The following KATNAL1 variants were observed in gnomAD, a reference collection of about 807,000 sequenced individuals.
The protein encoded by KATNAL1 is katanin catalytic subunit A1 like 1.
A neutral mutation model predicts 55.2 loss-of-function variants in KATNAL1; 32 were observed. That is an observed-to-expected ratio of 0.58 (90% CI 0.44 to 0.78). KATNAL1 has a LOEUF of 0.78. Ranked by LOEUF, KATNAL1 falls within the 30% of genes least tolerant of loss-of-function variation. The probability of loss-of-function intolerance (pLI) is 0.00; values close to 1 mark genes in which losing one functional copy is unlikely to be tolerated. For missense variants in KATNAL1, 466 were observed against 600.9 expected (o/e 0.78, Z 2.35); for synonymous variants, 193 against 193.6 (o/e 1.00, Z 0.02).
intron 3 of KATNAL1, among the ~76,000 whole-genome samples, chr13:30,267,757 A>C (rs1879888859): frequency 6.6e-6 from 1 of 152,216 alleles, no homozygotes; most frequent in Non-Finnish European, 1.5e-5. Context: ...AAGGTAAGTG[A>C]AATACCTAAC....
rs545503363 is a variant in KATNAL1 at position 30,227,076 on chromosome 13, AAAAT to A, written c.1147+332_1147+335del. ...GGGCAACAGAATAAGACTGTGTCAC[AAAAT>A]AAATAAATAAATATGTGTACACACA... On this transcript the variant is annotated intron_variant, in intron 9 of 10. Coordinates refer to ENST00000380615, the MANE Select transcript of KATNAL1 (RefSeq NM_032116.5). 2.8e-5 allele frequency among the ~76,000 whole-genome samples: 4 copies of A among 144,104 alleles called. No individual in the cohort carries two copies. In the South Asian group the frequency reaches 6.8e-4, roughly 24 times the overall value. The allele number at this position is 144,104 out of a possible 152,430, so 94.5% of individuals were successfully genotyped here.
chr13:30,224,346 C>T (rs1875220701), intron 9 of KATNAL1, among the ~76,000 whole-genome samples: 1 of 151,970 alleles, frequency 6.6e-6, no homozygotes, highest in African/African-American at 2.4e-5. Flanking sequence ...GCCTGGGAAA[C>T]ACGGCAAGCC....
chr13:30,294,481 G>T (rs1882346738), intron 1 of KATNAL1, among the ~76,000 whole-genome samples: 1 of 152,216 alleles, frequency 6.6e-6, no homozygotes, highest in Non-Finnish European at 1.5e-5. Context: ...TATGAAGGCT[G>T]AAAGAGGTGA....
chr13:30,262,294 T>C (rs1287933636), intron 3 of KATNAL1, among the ~76,000 whole-genome samples: 1 of 151,148 alleles, frequency 6.6e-6, no homozygotes. Flanking sequence ...CACCCTAACA[T>C]CACAATTAAA....
intron 6 of KATNAL1, among the ~76,000 whole-genome samples, chr13:30,235,797 G>A (rs1435860915): frequency 6.6e-6 from 1 of 151,956 alleles, no homozygotes; most frequent in African/African-American, 2.4e-5. Context: ...CTCAGGGGTT[G>A]GGGCACCAAT....
chr13:30,265,701 ATTT>A (rs796445869), intron 3 of KATNAL1, among the ~76,000 whole-genome samples: 55 of 143,674 alleles, frequency 3.8e-4, no homozygotes, highest in African/African-American at 1.3e-3. Flanking sequence ...CTTTTAAGAG[ATTT>A]TTTTTTTTTT....
chr13:30,306,636 T>TA (rs1333260425), intron 1 of KATNAL1: 1 of 152,258 alleles, frequency 6.6e-6, no homozygotes, highest in Non-Finnish European at 1.5e-5. Flanking sequence ...ATGGGTTTAA[T>TA]ATGCAAACAC....
chr13:30,290,289 A>C (rs1016629202), intron 1 of KATNAL1, among the ~76,000 whole-genome samples: 1 of 152,214 alleles, frequency 6.6e-6, no homozygotes, highest in Non-Finnish European at 1.5e-5. Context: ...TATCAATAAA[A>C]TGAATAAACC....
intron 9 of KATNAL1, among the ~76,000 whole-genome samples, chr13:30,223,349 G>C (rs1875100114): frequency 6.8e-6 from 1 of 146,998 alleles, no homozygotes; most frequent in Non-Finnish European, 1.5e-5. Flanking sequence ...GGCTGAGGCA[G>C]GAGAATGGTG....
chr13:30,274,926 CACACACACACACACACACACACACACAG>C (rs1880722483), intron 3 of KATNAL1, among the ~76,000 whole-genome samples: 3 of 150,650 alleles, frequency 2.0e-5, no homozygotes, highest in African/African-American at 7.3e-5. Context: ...CACACACACA[CACACACACACACACACACACACACACAG>C]GAATATTATT....
At chr13:30,286,063 T>C (rs566261938) in intron 1 of KATNAL1, among the ~76,000 whole-genome samples, 44 of 152,294 alleles carry the variant, frequency 2.9e-4, no homozygotes, top group African/African-American at 9.6e-4. Context: ...TGGTTTGGAA[T>C]TGGAATTTAT....
intron 9 of KATNAL1, among the ~76,000 whole-genome samples, chr13:30,215,307 A>G (rs1047819892): frequency 1.3e-5 from 2 of 152,154 alleles, no homozygotes; most frequent in Non-Finnish European, 2.9e-5. Flanking sequence ...AGAAATAGGA[A>G]CACTTTTACA....
intron 1 of KATNAL1, chr13:30,296,561 C>G: frequency 1.4e-6 from 1 of 734,132 alleles, no homozygotes; most frequent in South Asian, 1.4e-5. Context: ...TTTGCCAGAT[C>G]ACTGTTAATG....
At chr13:30,240,624 A>T in intron 5 of KATNAL1, 59 bp from the exon 6 acceptor site, 1 of 1,169,840 alleles carries the variant, frequency 8.5e-7, no homozygotes, top group East Asian at 2.4e-5. Context: ...TTTATGGTCA[A>T]AACTAATTCT....
chr13:30,206,989 T>C lies in KATNAL1; in HGVS notation c.*1551A>G, dbSNP rs953005323. The C allele has an allele frequency of 1.3e-5, 2 of 152,106 alleles. No homozygotes were observed. Among genetic ancestry groups the C allele is most frequent in the Admixed American group, 6.5e-5 (1 of 15,270 alleles). 9.4% of individuals were successfully genotyped at this position (152,106 alleles called of 1,614,324 possible). A position where few individuals can be genotyped will look rare whatever the true frequency, so the allele number is the denominator to read the frequency against. On this transcript the variant is annotated 3_prime_UTR_variant, in exon 11 of 11. Transcript: ENST00000380615. ...GAGTTTAGGTCAGACTTAAGTTATC[T>C]GAAAAGAACATAAGGCATTTACAGT...
chr13:30,233,217 G>A (rs1876281085), intron 6 of KATNAL1, among the ~76,000 whole-genome samples: 2 of 152,154 alleles, frequency 1.3e-5, no homozygotes, highest in African/African-American at 2.4e-5. Flanking sequence ...TCTGACAAGG[G>A]ATTAGTAACC....
chr13:30,255,358 A>G (rs1057286723), intron 4 of KATNAL1, 89 bp downstream of exon 4: 1 of 1,071,828 alleles, frequency 9.3e-7, no homozygotes, highest in Non-Finnish European at 1.3e-6. Context: ...CGTCAAAACC[A>G]GGGTATCTTG....
At chr13:30,283,408 C>T (rs1384165534) in intron 2 of KATNAL1, among the ~76,000 whole-genome samples, 2 of 149,850 alleles carry the variant, frequency 1.3e-5, no homozygotes, top group African/African-American at 2.5e-5. Context: ...ATTTTCAAAA[C>T]ATCCCTCACG....
intron 3 of KATNAL1, among the ~76,000 whole-genome samples, chr13:30,258,433 TTTTC>T (rs1285559158): frequency 1.3e-4 from 20 of 152,318 alleles, no homozygotes; most frequent in Non-Finnish European, 2.2e-4. Context: ...TGATTTGCTC[TTTTC>T]TTTATTTTTG....
Sources: allele counts gnomAD v4.1 joint callset (sites outside exome capture counted in the v4.1 genomes callset), GRCh38; gene constraint gnomAD v4.1.1; transcripts MANE v1.5; gene names NCBI Gene and HGNC (gene_info 2026-07-23, HGNC 2026-07-21).